Variants in VNN2 observed in about 807,000 individuals in gnomAD.
The protein encoded by VNN2 is pantetheine hydrolase VNN2.
Under a neutral mutation model 43.0 loss-of-function variants are expected in VNN2, and 43 were observed. The observed-to-expected ratio is 1.00, with a 90% CI of 0.78 to 1.29. The LOEUF is 1.29. VNN2 is among the 50% of genes most tolerant of loss of function. The pLI is 0.00. For synonymous variants in VNN2, 230 were observed against 224.3 expected, an observed-to-expected ratio of 1.03 and a Z score of -0.23; for missense variants, 652 against 619.7, an observed-to-expected ratio of 1.05 and a Z score of -0.55.
At chr6:132,755,757 A>G (rs9483499) in intron 3 of VNN2, 86 bp downstream of exon 3, 238,113 of 1,339,502 alleles carry the variant, frequency 0.18, 26,668 homozygotes, top group African/African-American at 0.51. Flanking sequence ...ATATTGTATC[A>G]TATAGGGAAT....
upstream of VNN2, among the ~76,000 whole-genome samples, chr6:132,761,371 A>C (rs534884089): frequency 6.7e-6 from 1 of 150,240 alleles, no homozygotes; most frequent in African/African-American, 2.4e-5. Flanking sequence ...AAAAAAAAAC[A>C]GTATTGGGGT....
chr6:132,758,020 TCTTCTTCTTCTTCTTCTTC>T (rs369269451), upstream of VNN2: 29,089 of 320,052 alleles, frequency 0.091, 2,977 homozygotes, highest in Middle Eastern at 0.16. Flanking sequence ...TTCTTCTTCT[TCTTCTTCTTCTTCTTCTTC>T]TTTTTTTTTT....
chr6:132,746,856 T>C (rs1779747777), intron 6 of VNN2, among the ~76,000 whole-genome samples: 1 of 152,160 alleles, frequency 6.6e-6, no homozygotes, highest in Non-Finnish European at 1.5e-5. Flanking sequence ...ATTTGATTAG[T>C]ATCTGTTCCT....
At chr6:132,757,941 G>T (rs560505430), upstream of VNN2, 41 of 1,440,384 alleles carry the variant, frequency 2.8e-5, 1 homozygote, top group South Asian at 5.5e-4. Context: ...ATTTACAGAG[G>T]GGAGAATGTT....
intron 6 of VNN2, among the ~76,000 whole-genome samples, chr6:132,747,384 G>T (rs531781583): frequency 6.6e-6 from 1 of 152,218 alleles, no homozygotes; most frequent in South Asian, 2.1e-4. Context: ...TTGGGAGGTC[G>T]AGGTGGCAGA....
chr6:132,754,213 C>G (rs555822380), intron 3 of VNN2, among the ~76,000 whole-genome samples: 1 of 152,094 alleles, frequency 6.6e-6, no homozygotes, highest in African/African-American at 2.4e-5. Flanking sequence ...AAAGATAATA[C>G]AAATAATGCA....
chr6:132,758,594 T>A (rs1166072872), upstream of VNN2, among the ~76,000 whole-genome samples: 1 of 152,230 alleles, frequency 6.6e-6, no homozygotes, highest in African/African-American at 2.4e-5. Context: ...TTATTAAATT[T>A]AAAAATTGAC....
chr6:132,755,807 C>A, intron 3 of VNN2, 36 bp downstream of exon 3: 1 of 1,571,694 alleles, frequency 6.4e-7, no homozygotes, highest in Non-Finnish European at 8.7e-7. Flanking sequence ...CCACTCACAA[C>A]ACGCTCCATT....
upstream of VNN2, among the ~76,000 whole-genome samples, chr6:132,759,438 CAAAAAA>C (rs58195059): frequency 3.0e-4 from 21 of 69,168 alleles, no homozygotes; most frequent in African/African-American, 9.4e-4. Context: ...AACTCCGTCT[CAAAAAA>C]AAAAAAAAAA....
chr6:132,758,039 CT>C (rs533088096), upstream of VNN2: 1,865 of 163,046 alleles, frequency 0.011, 1 homozygote, highest in Non-Finnish European at 0.014. Flanking sequence ...TCTTCTTCTT[CT>C]TTTTTTTTTT....
chr6:132,762,849 C>A (rs889270440), upstream of VNN2, among the ~76,000 whole-genome samples: 1 of 152,288 alleles, frequency 6.6e-6, no homozygotes. Flanking sequence ...ATGGTTCAAC[C>A]AACATGTCTG....
chr6:132,758,039 C>CTTCTTCTTCTTCT (rs1488070973), upstream of VNN2: 96 of 165,018 alleles, frequency 5.8e-4, no homozygotes, highest in Non-Finnish European at 7.8e-4. Flanking sequence ...TCTTCTTCTT[C>CTTCTTCTTCTTCT]TTTTTTTTTT....
At chr6:132,758,006 C>A, upstream of VNN2, 3 of 145,594 alleles carry the variant, frequency 2.1e-5, no homozygotes, top group East Asian at 7.9e-5. Context: ...CATTTTTCTT[C>A]TTCTTCTTCT....
rs375012192 is a variant in VNN2, at chr6:132,763,266, G to T, written c.-20+117C>A. On this transcript the variant is annotated intron_variant, in intron 1 of 3. Coordinates refer to the VNN2 transcript ENST00000524919. Reference sequence around the variant, plus strand: ...ATAGATTAAAAATAGAAAAGTTTATGTCTTATTGATCAATATGAGAATGTC... The same window carrying T: ...ATAGATTAAAAATAGAAAAGTTTATTTCTTATTGATCAATATGAGAATGTC... The T allele has an allele frequency of 1.2e-4, 17 of 143,984 alleles. No homozygotes were observed. The East Asian group carries it at 3.3e-3, about 28-fold the overall frequency. 8.9% of individuals were successfully genotyped at this position (143,984 alleles called of 1,614,324 possible). A position where few individuals can be genotyped will look rare whatever the true frequency, so the allele number is the denominator to read the frequency against.
chr6:132,747,211 G>A (rs1326073740), intron 6 of VNN2, among the ~76,000 whole-genome samples: 1 of 152,114 alleles, frequency 6.6e-6, no homozygotes, highest in East Asian at 1.9e-4. Flanking sequence ...ATCATTAAAA[G>A]TTGAGACCTA....
At chr6:132,750,725 G>T (rs748674939) in intron 5 of VNN2, among the ~76,000 whole-genome samples, 1 of 150,936 alleles carries the variant, frequency 6.6e-6, no homozygotes, top group African/African-American at 2.4e-5. Flanking sequence ...CGGGACATCT[G>T]ATTAGAAGAG....
chr6:132,755,824 G>A lies in VNN2; in HGVS notation c.537+19C>T, dbSNP rs371718009. The A allele has an allele frequency of 5.3e-5, 84 of 1,591,238 alleles. No individual in the cohort carries two copies. The Admixed American group carries it at 8.3e-4, about 16-fold the overall frequency. ...ACTCACAACACGCTCCATTTTACAC[G>A]TCCGTCACTCTCTCTTACCTTATGG... On this transcript the variant is annotated intron_variant, in intron 3 of 6. Coordinates refer to ENST00000326499, the MANE Select transcript of VNN2 (RefSeq NM_004665.6).
intron 2 of VNN2, 121 bp from the exon 3 acceptor site, chr6:132,756,156 A>T: frequency 1.1e-6 from 1 of 919,380 alleles, no homozygotes; most frequent in Non-Finnish European, 1.6e-6. Context: ...AACTATGCCT[A>T]AAAATATCAT....
chr6:132,758,468 A>C (rs1780634911), upstream of VNN2, among the ~76,000 whole-genome samples: 1 of 152,212 alleles, frequency 6.6e-6, no homozygotes. Context: ...ACTAAGATTT[A>C]ATATTGAATT....
Sources: gnomAD v4.1 joint callset for allele counts (sites outside exome capture counted in the v4.1 genomes callset) on GRCh38, gnomAD v4.1.1 for gene constraint, MANE v1.5 for transcripts, NCBI Gene and HGNC (gene_info 2026-07-23, HGNC 2026-07-21) for gene names.